The following PTPRD variants were observed in gnomAD, a reference collection of about 807,000 sequenced individuals.
PTPRD encodes protein tyrosine phosphatase receptor type D, also known as receptor-type tyrosine-protein phosphatase delta.
Under a neutral mutation model 214.5 loss-of-function variants are expected in PTPRD, and 34 were observed. The observed-to-expected ratio is 0.16, with a 90% CI of 0.12 to 0.21. The LOEUF (loss-of-function observed/expected upper bound fraction) is 0.21, where lower values mean the gene tolerates loss of function less well. Among genes scored for constraint, PTPRD ranks in the 10% least tolerant of loss-of-function variants. The pLI, the probability that PTPRD is intolerant of heterozygous loss-of-function variation, is 1.00. For missense variants in PTPRD, 2,545 were observed against 2,398.7 expected, an observed-to-expected ratio of 1.06 and a Z score of -1.27; for synonymous variants, 1,128 against 845.7, an observed-to-expected ratio of 1.33 and a Z score of -5.79.
chr9:9,598,172 G>A (rs529838714), intron 7 of PTPRD, among the ~76,000 whole-genome samples: 1 of 151,992 alleles, frequency 6.6e-6, no homozygotes, highest in South Asian at 2.1e-4. Flanking sequence ...ATGGCACAGA[G>A]GTACAAGAAT....
At chr9:9,056,145 A>G (rs750569956) in intron 10 of PTPRD, among the ~76,000 whole-genome samples, 2 of 152,244 alleles carry the variant, frequency 1.3e-5, no homozygotes, top group African/African-American at 2.4e-5. Flanking sequence ...CTCAGTATTT[A>G]GAACAATCTA....
chr9:9,842,166 T>C (rs1440925129), intron 5 of PTPRD, among the ~76,000 whole-genome samples: 1 of 152,028 alleles, frequency 6.6e-6, no homozygotes, highest in Non-Finnish European at 1.5e-5. Flanking sequence ...AATTTATGCT[T>C]AAATTTTTTC....
chr9:9,629,589 G>T (rs1288282357), intron 7 of PTPRD, among the ~76,000 whole-genome samples: 3 of 152,124 alleles, frequency 2.0e-5, no homozygotes, highest in African/African-American at 7.2e-5. Context: ...AGCCCTGAGG[G>T]ACAGCCTATT....
chr9:9,577,783 C>T (rs534290353), intron 7 of PTPRD, among the ~76,000 whole-genome samples: 4 of 151,820 alleles, frequency 2.6e-5, no homozygotes, highest in South Asian at 2.1e-4. Flanking sequence ...CGGTGGCTCA[C>T]GCCTGTAATC....
At chr9:10,327,171 GTATA>G (rs33959310) in intron 3 of PTPRD, among the ~76,000 whole-genome samples, 34,119 of 142,788 alleles carry the variant, frequency 0.24, 4,179 homozygotes, top group South Asian at 0.37. Flanking sequence ...ATATGTGTGT[GTATA>G]TATATATATA....
chr9:8,906,505 A>G (rs1255632831), intron 11 of PTPRD, among the ~76,000 whole-genome samples: 1 of 152,216 alleles, frequency 6.6e-6, no homozygotes, highest in African/African-American at 2.4e-5. Context: ...AAATGAGATA[A>G]TGCTATGATA....
At chr9:10,473,161 C>T (rs889104049) in intron 2 of PTPRD, among the ~76,000 whole-genome samples, 7 of 130,750 alleles carry the variant, frequency 5.4e-5, no homozygotes, top group African/African-American at 2.1e-4. Flanking sequence ...ACACATGTGG[C>T]CACATTAAAT....
At chr9:10,024,799 G>A (rs2096890427) in intron 4 of PTPRD, among the ~76,000 whole-genome samples, 1 of 101,794 alleles carries the variant, frequency 9.8e-6, no homozygotes, top group Non-Finnish European at 1.8e-5. Context: ...CCCCACAACA[G>A]GCCCCAGTGT....
chr9:9,823,268 A>G lies in PTPRD; in HGVS notation c.-367-56417T>C, dbSNP rs552930390. Among the ~76,000 whole-genome samples the G allele has an allele frequency of 2.2e-4, 33 of 152,078 alleles. No individual in the cohort carries two copies. The East Asian group carries it at 6.0e-3, about 28-fold the overall frequency. ...TCTGGGAAGGCCTCAGGAAGCTTAC[A>G]ATCATGATGGAAGGCAAAGGGGGAG... On this transcript the variant is annotated intron_variant, in intron 5 of 45. Transcript: ENST00000381196.
intron 9 of PTPRD, among the ~76,000 whole-genome samples, chr9:9,188,866 T>C (rs753212793): frequency 1.1e-4 from 16 of 151,680 alleles, no homozygotes; most frequent in Non-Finnish European, 2.2e-4. Context: ...TGTCTTGGAA[T>C]CTTTTTACAA....
intron 11 of PTPRD, among the ~76,000 whole-genome samples, chr9:8,998,319 G>A (rs145535194): frequency 7.2e-5 from 11 of 152,060 alleles, no homozygotes; most frequent in African/African-American, 2.4e-4. Context: ...GACTTTTAGT[G>A]GAAGACAATA....
In PTPRD at chr9:10,460,124, AAAC is replaced by A. The variant is rs540901560; in HGVS notation, c.-599-119110_-599-119108del. Among the ~76,000 whole-genome samples, 16 of 152,206 alleles carry A rather than the reference AAAC, an allele frequency of 1.1e-4. No individual in the cohort carries two copies. The South Asian group carries it at 3.1e-3, about 30-fold the overall frequency. On this transcript the variant is annotated intron_variant, in intron 2 of 45. Coordinates refer to ENST00000381196, the MANE Select transcript of PTPRD (RefSeq NM_002839.4). ...GACCTAGACCAAAAATAAATCAAGA[AAAC>A]AATCCCATTTACAATAGCATAAAAA...
intron 35 of PTPRD, among the ~76,000 whole-genome samples, chr9:8,420,252 T>C (rs993947201): frequency 1.3e-5 from 2 of 152,192 alleles, no homozygotes; most frequent in Admixed American, 6.6e-5. Flanking sequence ...GCAAAGTACC[T>C]GGCACATTGT....
chr9:8,356,183 T>G (rs1345781115), intron 39 of PTPRD, among the ~76,000 whole-genome samples: 2 of 152,092 alleles, frequency 1.3e-5, no homozygotes, highest in Non-Finnish European at 2.9e-5. Context: ...GTAATAAAAC[T>G]CAGATGCCCA....
chr9:9,936,969 A>C (rs199821334), intron 5 of PTPRD, among the ~76,000 whole-genome samples: 7 of 151,322 alleles, frequency 4.6e-5, no homozygotes, highest in African/African-American at 1.7e-4. Flanking sequence ...GTAAACTATC[A>C]CAAGAACAAA....
At chr9:10,115,984 A>G (rs1030583725) in intron 3 of PTPRD, among the ~76,000 whole-genome samples, 4 of 152,106 alleles carry the variant, frequency 2.6e-5, no homozygotes, top group Admixed American at 6.6e-5. Flanking sequence ...AGATAGAAAA[A>G]AAGGAGAGAT....
intron 2 of PTPRD, among the ~76,000 whole-genome samples, chr9:10,346,131 G>A (rs1024340135): frequency 2.6e-5 from 4 of 152,166 alleles, no homozygotes; most frequent in African/African-American, 9.7e-5. Flanking sequence ...AAATTAATAG[G>A]ATTCTAAGCT....
intron 11 of PTPRD, among the ~76,000 whole-genome samples, chr9:8,852,984 C>T (rs1302807261): frequency 6.6e-6 from 1 of 152,108 alleles, no homozygotes; most frequent in Non-Finnish European, 1.5e-5. Flanking sequence ...TGGCAGTACA[C>T]ACGGATGTAA....
chr9:8,386,620 G>C (rs2087162305), intron 37 of PTPRD, among the ~76,000 whole-genome samples: 1 of 152,102 alleles, frequency 6.6e-6, no homozygotes, highest in Admixed American at 6.5e-5. Context: ...CTTTGAAGTT[G>C]GCTGCTGGGA....
Sources: gnomAD v4.1 joint callset for allele counts (sites outside exome capture counted in the v4.1 genomes callset) on GRCh38, gnomAD v4.1.1 for gene constraint, MANE v1.5 for transcripts, NCBI Gene and HGNC (gene_info 2026-07-23, HGNC 2026-07-21) for gene names.